The following ADGRL3 variants were observed in gnomAD, a reference collection of about 807,000 sequenced individuals.
ADGRL3 encodes calcium-independent alpha-latrotoxin receptor 3.
A neutral mutation model predicts 153.5 loss-of-function variants in ADGRL3; 62 were observed. The ratio of observed to expected loss-of-function variants is 0.40; its 90% CI spans 0.33 to 0.50. The LOEUF (loss-of-function observed/expected upper bound fraction) is 0.50, where lower values mean the gene tolerates loss of function less well. Ranked by LOEUF, ADGRL3 falls within the 20% of genes least tolerant of loss-of-function variation. ADGRL3 has a pLI of 0.47. For synonymous variants in ADGRL3, 710 were observed against 672.5 expected (o/e 1.06, Z -0.86); for missense variants, 1,641 against 1,859.4 (o/e 0.88, Z 2.16).
At chr4:61,499,522 TATA>T (rs1449890374) in intron 3 of ADGRL3, among the ~76,000 whole-genome samples, 1 of 152,158 alleles carries the variant, frequency 6.6e-6, no homozygotes, top group Non-Finnish European at 1.5e-5. Flanking sequence ...ATTCCTCCCT[TATA>T]ATGTTATTTT....
intron 5 of ADGRL3, among the ~76,000 whole-genome samples, chr4:61,591,005 T>G (rs1258058209): frequency 6.6e-6 from 1 of 152,174 alleles, no homozygotes; most frequent in African/African-American, 2.4e-5. Context: ...CAATGAATTT[T>G]CACAAATCAA....
chr4:61,591,409 C>G (rs931445134), intron 5 of ADGRL3, among the ~76,000 whole-genome samples: 5 of 152,066 alleles, frequency 3.3e-5, no homozygotes, highest in Non-Finnish European at 4.4e-5. Context: ...ATCTCCTTCC[C>G]CAACCTGTGC....
intron 1 of ADGRL3, among the ~76,000 whole-genome samples, chr4:61,220,274 A>G (rs959082850): frequency 6.6e-6 from 1 of 152,138 alleles, no homozygotes. Context: ...CATACGTGAA[A>G]TGTGTCTTGT....
intron 2 of ADGRL3, among the ~76,000 whole-genome samples, chr4:61,424,015 G>A (rs1055629717): frequency 1.3e-5 from 2 of 152,162 alleles, no homozygotes; most frequent in Non-Finnish European, 2.9e-5. Context: ...CAATGTGACT[G>A]TCAGGTTTTA....
At chr4:61,533,072 A>G (rs1023605193) in intron 4 of ADGRL3, among the ~76,000 whole-genome samples, 1 of 152,222 alleles carries the variant, frequency 6.6e-6, no homozygotes, top group Non-Finnish European at 1.5e-5. Context: ...GGAAAAATCT[A>G]TCTGCCATAA....
Position 61,733,214 on chromosome 4 carries a change from T to A in ADGRL3, c.1059T>A (p.Ile353=). ...IYATEQNNGK[I]VISQLNPYTL... Reference sequence around the variant, plus strand: ...CAACAGAACAAAACAATGGTAAAATTGTCATTAGTCAATTGAACCCTTACA... The same window carrying A: ...CAACAGAACAAAACAATGGTAAAATAGTCATTAGTCAATTGAACCCTTACA... Residue 353 remains isoleucine (I), a synonymous_variant, in exon 8 of 27, where the codon ATT becomes ATA. Coordinates refer to ENST00000683033, the MANE Select transcript of ADGRL3 (RefSeq NM_001387552.1). The A allele has an allele frequency of 6.2e-7, 1 of 1,613,518 alleles. No individual in the cohort carries two copies. Among genetic ancestry groups the A allele is most frequent in the Non-Finnish European group, 8.5e-7 (1 of 1,179,754 alleles).
chr4:61,714,412 T>C (rs1397509103), intron 6 of ADGRL3, among the ~76,000 whole-genome samples: 1 of 152,164 alleles, frequency 6.6e-6, no homozygotes. Flanking sequence ...CAGATGCCTC[T>C]GCACACATGT....
chr4:61,316,560 T>A (rs1455369958), intron 1 of ADGRL3, among the ~76,000 whole-genome samples: 1 of 152,220 alleles, frequency 6.6e-6, no homozygotes, highest in Non-Finnish European at 1.5e-5. Context: ...GTATCTTGTT[T>A]ACACCGTAAA....
intron 4 of ADGRL3, among the ~76,000 whole-genome samples, chr4:61,537,258 G>T (rs1307481240): frequency 1.3e-5 from 2 of 151,532 alleles, no homozygotes; most frequent in Non-Finnish European, 1.5e-5. Flanking sequence ...TCAACTGTTA[G>T]TTTGTTGGAA....
chr4:61,887,957 G>A (rs1209671646), intron 9 of ADGRL3, among the ~76,000 whole-genome samples: 1 of 152,060 alleles, frequency 6.6e-6, no homozygotes. Context: ...ACTCGTAATA[G>A]CATTCAAAAT....
chr4:61,387,574 GA>G (rs1169667594), intron 2 of ADGRL3, among the ~76,000 whole-genome samples: 2 of 152,042 alleles, frequency 1.3e-5, no homozygotes, highest in Non-Finnish European at 2.9e-5. Flanking sequence ...TCCATGCTGA[GA>G]AAAAGAATTC....
chr4:61,650,005 G>A (rs980484823), intron 5 of ADGRL3, among the ~76,000 whole-genome samples: 1 of 152,190 alleles, frequency 6.6e-6, no homozygotes, highest in Non-Finnish European at 1.5e-5. Flanking sequence ...GGATGGGCAA[G>A]TGGAGTTAAA....
chr4:61,315,861 T>C, intron 1 of ADGRL3, among the ~76,000 whole-genome samples: 1 of 152,190 alleles, frequency 6.6e-6, no homozygotes, highest in East Asian at 1.9e-4. Context: ...TAAGTTTGCC[T>C]TCTCCTTTCC....
At chr4:62,006,121 A>G (rs966389369) in intron 21 of ADGRL3, among the ~76,000 whole-genome samples, 6 of 145,872 alleles carry the variant, frequency 4.1e-5, no homozygotes, top group African/African-American at 1.3e-4. Flanking sequence ...TGCAACATCC[A>G]CCTCCTGGAT....
rs1333872718 is a variant in ADGRL3 at position 61,916,348 on chromosome 4, A to T, written c.2112+3591A>T. On this transcript the variant is annotated intron_variant, in intron 13 of 26. Coordinates refer to ENST00000683033, the MANE Select transcript of ADGRL3 (RefSeq NM_001387552.1). The stretch of plus-strand genomic sequence containing the variant: ...TGTCATAGTAAAACATATTACTTCC[A>T]TATCTTAGACACAATGACATGGGCC... 2.0e-5 allele frequency among the ~76,000 whole-genome samples: 3 copies of T among 152,182 alleles called. No homozygotes were observed. In the South Asian group the frequency reaches 6.2e-4, roughly 32 times the overall value.
At chr4:61,213,488 G>A (rs935033337) in intron 1 of ADGRL3, among the ~76,000 whole-genome samples, 3 of 151,902 alleles carry the variant, frequency 2.0e-5, no homozygotes, top group African/African-American at 7.3e-5. Context: ...ACATGCTTAC[G>A]TTGAACACTT....
chr4:61,695,130 C>T (rs2151199390), intron 6 of ADGRL3, among the ~76,000 whole-genome samples: 1 of 152,302 alleles, frequency 6.6e-6, no homozygotes, highest in African/African-American at 2.4e-5. Context: ...ATATTTTATT[C>T]TCCCATGAAT....
intron 21 of ADGRL3, among the ~76,000 whole-genome samples, chr4:62,006,109 A>G (rs1316051315): frequency 7.0e-6 from 1 of 143,506 alleles, no homozygotes; most frequent in Non-Finnish European, 1.5e-5. Context: ...ATCTCGGCTC[A>G]CTGCAACATC....
chr4:61,796,691 A>C (rs765095586), intron 8 of ADGRL3, among the ~76,000 whole-genome samples: 1 of 152,194 alleles, frequency 6.6e-6, no homozygotes, highest in South Asian at 2.1e-4. Context: ...CTAACTCTGG[A>C]TAGCCTCTAT....
Sources: allele counts gnomAD v4.1 joint callset (sites outside exome capture counted in the v4.1 genomes callset), GRCh38; gene constraint gnomAD v4.1.1; transcripts MANE v1.5; gene names NCBI Gene and HGNC (gene_info 2026-07-23, HGNC 2026-07-21).